CACNG8: variants seen among roughly 807,000 people sequenced by gnomAD.
CACNG8 encodes the protein calcium voltage-gated channel auxiliary subunit gamma 8, also known as voltage-dependent calcium channel gamma-8 subunit.
In CACNG8, 5 loss-of-function variants were observed where a neutral mutation model predicts 26.9. That is an observed-to-expected ratio of 0.19 (90% CI 0.10 to 0.39). The LOEUF is 0.39. Among genes scored for constraint, CACNG8 ranks in the 10% least tolerant of loss-of-function variants. The probability of loss-of-function intolerance (pLI) is 1.00; values close to 1 mark genes in which losing one functional copy is unlikely to be tolerated. For missense variants in CACNG8, 473 were observed against 609.4 expected (o/e 0.78, Z 2.36); for synonymous variants, 321 against 296.7 (o/e 1.08, Z -0.84).
Position 53,979,886 on chromosome 19 carries a change from C to T in CACNG8, c.387C>T (p.Ser129=). 1.9e-6 allele frequency: 3 copies of T among 1,606,692 alleles called. No homozygotes were observed. Among genetic ancestry groups the T allele is most frequent in the Non-Finnish European group, 2.6e-6 (3 of 1,176,006 alleles). Residue 129 remains serine, a synonymous_variant, in exon 3 of 4, where the codon AGC becomes AGT. Coordinates refer to ENST00000270458, the MANE Select transcript of CACNG8 (RefSeq NM_031895.6). Reference sequence around the variant, plus strand: ...CCGCAGGAGTTGTCCGGGCCTCCAGCATCTTCCCCATCCTTAGCGCCATCC... The same window carrying T: ...CCGCAGGAGTTGTCCGGGCCTCCAGTATCTTCCCCATCCTTAGCGCCATCC...
intron 1 of CACNG8, among the ~76,000 whole-genome samples, chr19:53,967,380 T>C (rs777046829): frequency 5.9e-5 from 9 of 152,160 alleles, no homozygotes; most frequent in Non-Finnish European, 7.3e-5. Flanking sequence ...ACAGATAACA[T>C]CTGGACAGAG....
intron 1 of CACNG8, among the ~76,000 whole-genome samples, chr19:53,970,984 G>A (rs2069299285): frequency 6.6e-6 from 1 of 150,590 alleles, no homozygotes; most frequent in South Asian, 2.1e-4. Flanking sequence ...TATAACATGG[G>A]TGACCATATA....
rs2145944009 is a variant in CACNG8, at chr19:53,984,335, C to G, written c.*1486C>G. ...ATCAAACACCGCCATCCAGGCAGGG[C>G]AATCGGTGCTGGAACCCGGACCACC... On this transcript the variant is annotated 3_prime_UTR_variant, in exon 4 of 4. Coordinates refer to ENST00000270458, the MANE Select transcript of CACNG8 (RefSeq NM_031895.6). 1 of 152,398 alleles carries G rather than the reference C, an allele frequency of 6.6e-6. No homozygotes were observed. Among genetic ancestry groups the G allele is most frequent in the African/African-American group, 2.4e-5 (1 of 41,578 alleles). 9.4% of individuals were successfully genotyped at this position (152,398 alleles called of 1,614,324 possible). A position where few individuals can be genotyped will look rare whatever the true frequency, so the allele number is the denominator to read the frequency against.
In CACNG8 at chr19:53,963,444, T is replaced by TA. The variant is rs1355641476; in HGVS notation, c.283+19_283+20insA. The TA allele has an allele frequency of 1.1e-4, 158 of 1,421,650 alleles. No individual in the cohort carries two copies. The highest frequency in any genetic ancestry group is 1.4e-4 in the Non-Finnish European group (152 of 1,093,960). 88.1% of individuals were successfully genotyped at this position (1,421,650 alleles called of 1,614,324 possible). On this transcript the variant is annotated intron_variant, in intron 1 of 3. Coordinates refer to ENST00000270458, the MANE Select transcript of CACNG8 (RefSeq NM_031895.6). ...CTGGAAGGTAGGGTGCGGGCGGCCC[T>TA]CCCCGCAGCCCCCGCCGCTCCCCTC... is the stretch of plus-strand genomic sequence containing the variant.
rs1203055816 is a variant in CACNG8 at position 53,982,120 on chromosome 19, C to G, written c.549C>G (p.Ala183=). ...TCGGCGTGATCGTGTACATCTCCGC[C>G]AACGCGGGCGAGCCGGGCCCGAAGC... is the stretch of plus-strand genomic sequence containing the variant. Residue 183 remains alanine (A), a synonymous_variant, in exon 4 of 4, where the codon GCC becomes GCG. Transcript: ENST00000270458. The surrounding 1 kb of genome is among the most constrained non-coding windows in gnomAD (Gnocchi z 8.4). 6.2e-7 allele frequency: 1 copy of G among 1,607,234 alleles called. No homozygotes were observed. Among genetic ancestry groups the G allele is most frequent in the East Asian group, 2.2e-5 (1 of 44,460 alleles).
At chr19:53,969,094 C>A (rs2069287456) in intron 1 of CACNG8, among the ~76,000 whole-genome samples, 1 of 152,084 alleles carries the variant, frequency 6.6e-6, no homozygotes, top group Admixed American at 6.6e-5. Flanking sequence ...ACCTCCACAT[C>A]CCGGGTTCAA....
chr19:53,984,373 G>GCA lies in CACNG8; in HGVS notation c.*1528_*1529dup, dbSNP rs2069394801. 6.6e-6 allele frequency: 1 copy of GCA among 152,274 alleles called. No homozygotes were observed. The highest frequency in any genetic ancestry group is 1.5e-5 in the Non-Finnish European group (1 of 68,076). The allele number at this position is 152,274 out of a possible 1,614,324, so 9.4% of individuals were successfully genotyped here. On this transcript the variant is annotated 3_prime_UTR_variant, in exon 4 of 4. Coordinates refer to ENST00000270458, the MANE Select transcript of CACNG8 (RefSeq NM_031895.6). ...AACCCGGACCACCGTGGGTACCGTGGCACACGGTGGACAGAGTGACCAACT... is the reference window on the plus strand; with the variant it reads ...AACCCGGACCACCGTGGGTACCGTGGCACACACGGTGGACAGAGTGACCAACT...
chr19:53,982,554 G>A lies in CACNG8; in HGVS notation c.983G>A (p.Gly328Asp). 1.7e-6 allele frequency: 2 copies of A among 1,179,240 alleles called. No homozygotes were observed. The highest frequency in any genetic ancestry group is 2.1e-6 in the Non-Finnish European group (2 of 955,448). The allele number at this position is 1,179,240 out of a possible 1,614,324, so 73.0% of individuals were successfully genotyped here. Residue 328 changes from glycine (G) to aspartate (D), a missense_variant, in exon 4 of 4, where the codon GGC becomes GAC. Coordinates refer to ENST00000270458, the MANE Select transcript of CACNG8 (RefSeq NM_031895.6). This position sits in a 1 kb window ranked among gnomAD's most constrained non-coding sequence, Gnocchi z 8.4. ...GCGGGGCTGGCGGGGGCCGGCGGCG[G>A]CGGCGGCGGCGCCGTGGGGGCGTTC... is the stretch of plus-strand genomic sequence containing the variant.
At chr19:53,972,816 T>G (rs1211043425) in intron 1 of CACNG8, among the ~76,000 whole-genome samples, 1 of 152,164 alleles carries the variant, frequency 6.6e-6, no homozygotes, top group East Asian at 1.9e-4. Flanking sequence ...TCCAGAGAGT[T>G]GGATTCCAGA....
Position 53,963,122 on chromosome 19 carries a change from C to T in CACNG8, c.-21C>T, listed in dbSNP as rs1466161010. Reference sequence around the variant, plus strand: ...GCTGCCCCGGTGGTGGCCCACGGCCCCCCGGCTGCCCGTGGTCAAACTGGA... The same window carrying T: ...GCTGCCCCGGTGGTGGCCCACGGCCTCCCGGCTGCCCGTGGTCAAACTGGA... On this transcript the variant is annotated 5_prime_UTR_variant, in exon 1 of 4. Transcript: ENST00000270458. 2.1e-6 allele frequency: 3 copies of T among 1,458,192 alleles called. No homozygotes were observed. Among genetic ancestry groups the T allele is most frequent in the Non-Finnish European group, 2.7e-6 (3 of 1,102,782 alleles). The allele number at this position is 1,458,192 out of a possible 1,614,324, so 90.3% of individuals were successfully genotyped here.
intron 1 of CACNG8, among the ~76,000 whole-genome samples, chr19:53,972,950 C>T (rs1377616783): frequency 6.6e-6 from 1 of 152,044 alleles, no homozygotes; most frequent in Non-Finnish European, 1.5e-5. Flanking sequence ...CTTTGGGCAA[C>T]TTCTTCAACT....
rs1023448929 is a variant in CACNG8, at chr19:53,963,374, G to A, written c.232G>A (p.Asp78Asn). 1.3e-6 allele frequency: 2 copies of A among 1,585,146 alleles called. No individual in the cohort carries two copies. The highest frequency in any genetic ancestry group is 1.7e-5 in the Admixed American group (1 of 58,002). The change falls in exon 1 of 4, where the codon GAC becomes AAC. Residue 78 changes from aspartate (D) to asparagine (N), a missense_variant. Coordinates refer to ENST00000270458, the MANE Select transcript of CACNG8 (RefSeq NM_031895.6). ...GGGCGGCGGCGCCTCGGAGAAGAAG[G>A]ACCCCGGCGGCCTCACGCACTCGGG...
chr19:53,979,117 G>C (rs1404889358), intron 2 of CACNG8, among the ~76,000 whole-genome samples: 1 of 149,256 alleles, frequency 6.7e-6, no homozygotes, highest in Non-Finnish European at 1.5e-5. Context: ...AGTTGTGGGT[G>C]GGGGTGGCTA....
chr19:53,978,997 A>AGGGGTGGGGT (rs915849414), intron 2 of CACNG8, among the ~76,000 whole-genome samples: 1 of 3,444 alleles, frequency 2.9e-4, no homozygotes, highest in Non-Finnish European at 5.5e-4. Flanking sequence ...AGGCGAAAAA[A>AGGGGTGGGGT]GGGGTGGGGT....
At chr19:53,973,087 G>C (rs1050166529) in intron 1 of CACNG8, among the ~76,000 whole-genome samples, 2 of 152,176 alleles carry the variant, frequency 1.3e-5, no homozygotes, top group Non-Finnish European at 2.9e-5. Flanking sequence ...CCTGGTGCAC[G>C]GTTAGTGCTC....
intron 1 of CACNG8, among the ~76,000 whole-genome samples, chr19:53,973,190 C>T (rs1310616874): frequency 1.3e-5 from 2 of 152,134 alleles, no homozygotes; most frequent in Admixed American, 6.6e-5. Context: ...TTAATCATCA[C>T]GAATATTTTG....
chr19:53,969,552 G>T (rs1016660488), intron 1 of CACNG8, among the ~76,000 whole-genome samples: 48 of 151,768 alleles, frequency 3.2e-4, no homozygotes, highest in African/African-American at 1.1e-3. Flanking sequence ...GAGCCACCCT[G>T]CCCGGCCCAG....
intron 3 of CACNG8, among the ~76,000 whole-genome samples, chr19:53,980,955 G>C (rs916881276): frequency 6.6e-6 from 1 of 152,158 alleles, no homozygotes; most frequent in African/African-American, 2.4e-5. Flanking sequence ...GGTGGGGCTT[G>C]GAGGATCTGA....
At chr19:53,978,079 C>T in intron 1 of CACNG8, 67 bp from the exon 2 acceptor site, 1 of 1,075,690 alleles carries the variant, frequency 9.3e-7, no homozygotes, top group African/African-American at 1.5e-5. Flanking sequence ...GGTCGGTTGT[C>T]AGTGGGGTTG....
Sources: allele counts gnomAD v4.1 joint callset (sites outside exome capture counted in the v4.1 genomes callset), GRCh38; gene constraint gnomAD v4.1.1; non-coding constraint Gnocchi (gnomAD v3.1); transcripts MANE v1.5; gene names NCBI Gene and HGNC (gene_info 2026-07-23, HGNC 2026-07-21).